Variants in ESRRB observed in about 807,000 individuals in gnomAD.
The protein encoded by ESRRB is steroid hormone receptor ERR2.
Under a neutral mutation model 46.0 loss-of-function variants are expected in ESRRB, and 16 were observed. The observed-to-expected ratio is 0.35, with a 90% CI of 0.24 to 0.53. ESRRB has a LOEUF of 0.53. Among genes scored for constraint, ESRRB ranks in the 20% least tolerant of loss-of-function variants. ESRRB has a pLI of 0.93. For synonymous variants in ESRRB, 246 were observed against 259.6 expected (o/e 0.95, Z 0.50); for missense variants, 488 against 607.4 (o/e 0.80, Z 2.07).
At chr14:76,360,150 G>C (rs1186367462) in intron 1 of ESRRB, among the ~76,000 whole-genome samples, 2 of 152,196 alleles carry the variant, frequency 1.3e-5, no homozygotes, top group Admixed American at 1.3e-4. Flanking sequence ...GAGCATGGCA[G>C]GTGGAGAGTG....
At chr14:76,475,312 C>T (rs140596566) in intron 3 of ESRRB, among the ~76,000 whole-genome samples, 3 of 147,748 alleles carry the variant, frequency 2.0e-5, no homozygotes, top group Admixed American at 6.8e-5. Context: ...GAGGTTGCAG[C>T]GAGCTGTGAT....
Position 76,439,386 on chromosome 14 carries a change from C to T in ESRRB, c.96C>T (p.Ser32=), listed in dbSNP as rs1318796593. 3.1e-6 allele frequency: 5 copies of T among 1,613,566 alleles called. No homozygotes were observed. In the Admixed American group the frequency reaches 6.7e-5, roughly 22 times the overall value. Reference sequence around the variant, plus strand: ...CGGACGACAGGCACCTGGGCTCCAGCTGCGGCTCCTTCATCAAGACTGAGC... The same window carrying T: ...CGGACGACAGGCACCTGGGCTCCAGTTGCGGCTCCTTCATCAAGACTGAGC... ...MSSDDRHLGS[S]CGSFIKTEPS... Residue 32 remains serine (S), a synonymous_variant, in exon 2 of 7, where the codon AGC becomes AGT. Transcript: ENST00000644823.
chr14:76,343,479 G>A (rs79349664), intron 1 of ESRRB, among the ~76,000 whole-genome samples: 24 of 152,362 alleles, frequency 1.6e-4, no homozygotes, highest in African/African-American at 5.8e-4. Context: ...GGCAGGGCTT[G>A]GGGAGAGTGA....
Position 76,498,487 on chromosome 14 carries a change from TACAG to T in ESRRB, c.*37_*40del, listed in dbSNP as rs774023445. 1.2e-6 allele frequency: 2 copies of T among 1,612,900 alleles called. No individual in the cohort carries two copies. The highest frequency in any genetic ancestry group is 1.1e-5 in the South Asian group (1 of 90,910). Reference sequence around the variant, plus strand: ...CCCCGCACACGGACCAATGCCCACCTACAGACAGACAAACGGACAGACCGAGGTG... The same window carrying T: ...CCCCGCACACGGACCAATGCCCACCTACAGACAAACGGACAGACCGAGGTG... On this transcript the variant is annotated 3_prime_UTR_variant, in exon 7 of 7. Transcript: ENST00000644823.
intron 6 of ESRRB, among the ~76,000 whole-genome samples, chr14:76,493,970 G>T (rs1429118714): frequency 6.6e-6 from 1 of 152,324 alleles, no homozygotes; most frequent in East Asian, 1.9e-4. Flanking sequence ...CATGGGATCA[G>T]GCTGAAGCCG....
chr14:76,436,566 T>C (rs1039616917), intron 1 of ESRRB, among the ~76,000 whole-genome samples: 5 of 152,054 alleles, frequency 3.3e-5, no homozygotes, highest in African/African-American at 1.2e-4. Flanking sequence ...CAGGAGGGGA[T>C]TAAAAGTTAG....
chr14:76,323,456 T>C (rs1883892149), intron 1 of ESRRB, among the ~76,000 whole-genome samples: 1 of 152,052 alleles, frequency 6.6e-6, no homozygotes, highest in African/African-American at 2.4e-5. Context: ...ACTACAGGCA[T>C]GTACCACTAT....
At chr14:76,323,622 T>C (rs1306357222) in intron 1 of ESRRB, among the ~76,000 whole-genome samples, 5 of 152,198 alleles carry the variant, frequency 3.3e-5, no homozygotes, top group African/African-American at 9.7e-5. Context: ...GTCTTTCTTT[T>C]CATAAGGAGC....
intron 2 of ESRRB, among the ~76,000 whole-genome samples, chr14:76,448,634 C>A (rs1162638238): frequency 6.6e-6 from 1 of 152,068 alleles, no homozygotes; most frequent in African/African-American, 2.4e-5. Context: ...CCGCGCCCAG[C>A]CCACATTTAC....
chr14:76,376,042 G>T (rs1409773148), upstream of ESRRB: 1 of 130,924 alleles, frequency 7.6e-6, no homozygotes, highest in Non-Finnish European at 1.5e-5. The surrounding 1 kb of genome is among the most constrained non-coding windows in gnomAD (Gnocchi z 4.1). Context: ...GCTTGATTCT[G>T]TCACTTTAAG....
At chr14:76,471,708 A>G (rs908874264) in intron 3 of ESRRB, among the ~76,000 whole-genome samples, 2 of 152,188 alleles carry the variant, frequency 1.3e-5, no homozygotes, top group Admixed American at 1.3e-4. Context: ...ACTTGCTGTC[A>G]TATCCCCTTG....
In ESRRB at chr14:76,376,958, G is replaced by C. The variant is rs1884792293; in HGVS notation, c.50+507G>C. 6.6e-6 allele frequency among the ~76,000 whole-genome samples: 1 copy of C among 152,216 alleles called. No individual in the cohort carries two copies. Among genetic ancestry groups the C allele is most frequent in the African/African-American group, 2.4e-5 (1 of 41,470 alleles). ...CGCGGCGGTTTGGAAACTGCAGGCGGCCAGTGCCGCTCTCGCCTCGCGGTC... is the reference window on the plus strand; with the variant it reads ...CGCGGCGGTTTGGAAACTGCAGGCGCCCAGTGCCGCTCTCGCCTCGCGGTC... On this transcript the variant is annotated intron_variant, in intron 1 of 6. Coordinates refer to ENST00000644823, the MANE Select transcript of ESRRB (RefSeq NM_001379180.1). This position sits in a 1 kb window ranked among gnomAD's most constrained non-coding sequence, Gnocchi z 4.1.
chr14:76,476,782 C>T (rs916965439), intron 3 of ESRRB, among the ~76,000 whole-genome samples: 2 of 152,224 alleles, frequency 1.3e-5, no homozygotes, highest in African/African-American at 2.4e-5. Flanking sequence ...TTGGTGTCCT[C>T]AGACAGCCAT....
chr14:76,383,709 G>A (rs1328457137), intron 1 of ESRRB, among the ~76,000 whole-genome samples: 1 of 152,126 alleles, frequency 6.6e-6, no homozygotes, highest in Non-Finnish European at 1.5e-5. Flanking sequence ...ATGGCTGGCT[G>A]AGCTGTTCAG....
intron 1 of ESRRB, among the ~76,000 whole-genome samples, chr14:76,401,950 C>T (rs1276495979): frequency 1.3e-5 from 2 of 152,210 alleles, no homozygotes; most frequent in South Asian, 4.1e-4. Context: ...CCCAGGAGAG[C>T]TGACAGTGTA....
chr14:76,475,942 C>T (rs1889564133), intron 3 of ESRRB, among the ~76,000 whole-genome samples: 1 of 152,212 alleles, frequency 6.6e-6, no homozygotes, highest in Non-Finnish European at 1.5e-5. Context: ...GCATCGCTTA[C>T]CCAGTTTCCC....
intron 1 of ESRRB, among the ~76,000 whole-genome samples, chr14:76,355,905 G>T (rs765964302): frequency 5.3e-5 from 8 of 152,162 alleles, no homozygotes; most frequent in Non-Finnish European, 1.2e-4. Context: ...CCTGGCCCCA[G>T]GTGTCTGGTG....
intron 1 of ESRRB, among the ~76,000 whole-genome samples, chr14:76,379,932 G>C (rs1884941564): frequency 6.6e-6 from 1 of 151,528 alleles, no homozygotes; most frequent in African/African-American, 2.4e-5. Context: ...TATTGATTTG[G>C]AGTAATCAAT....
intron 1 of ESRRB, among the ~76,000 whole-genome samples, chr14:76,415,789 G>A (rs1233700067): frequency 6.6e-6 from 1 of 152,192 alleles, no homozygotes; most frequent in Non-Finnish European, 1.5e-5. Flanking sequence ...TTACAGGCAT[G>A]AGCCACTGCG....
Sources: gnomAD v4.1 joint callset for allele counts (sites outside exome capture counted in the v4.1 genomes callset) on GRCh38, gnomAD v4.1.1 for gene constraint, Gnocchi (gnomAD v3.1) non-coding constraint, MANE v1.5 for transcripts, NCBI Gene and HGNC (gene_info 2026-07-23, HGNC 2026-07-21) for gene names.